Variants in ZFHX3 observed in about 807,000 individuals in gnomAD.
ZFHX3 encodes the protein zinc finger homeobox 3.
ZFHX3 carries 42 observed loss-of-function variants against 279.1 expected under a neutral mutation model. That is an observed-to-expected ratio of 0.15 (90% confidence interval 0.12 to 0.19). The LOEUF (loss-of-function observed/expected upper bound fraction) is 0.19, where lower values mean the gene tolerates loss of function less well. Among genes scored for constraint, ZFHX3 ranks in the 10% least tolerant of loss-of-function variants. ZFHX3 has a pLI of 1.00. For synonymous variants in ZFHX3, 2,293 were observed against 1,957.8 expected (o/e 1.17, Z -4.52); for missense variants, 4,981 against 4,754.0 (o/e 1.05, Z -1.40).
intron 1 of ZFHX3, among the ~76,000 whole-genome samples, chr16:73,847,117 C>T (rs897341273): frequency 2.0e-5 from 3 of 151,978 alleles, no homozygotes; most frequent in Non-Finnish European, 4.4e-5. Context: ...GCCTGACCAA[C>T]ATGGTGAAAC....
intron 2 of ZFHX3, among the ~76,000 whole-genome samples, chr16:73,514,243 G>A (rs748254864): frequency 7.3e-5 from 11 of 151,320 alleles, no homozygotes; most frequent in East Asian, 1.9e-4. Flanking sequence ...GCAAGACTCC[G>A]TCTCAAAAAA....
intron 1 of ZFHX3, among the ~76,000 whole-genome samples, chr16:73,043,278 T>A (rs531987740): frequency 6.6e-6 from 1 of 152,298 alleles, no homozygotes; most frequent in African/African-American, 2.4e-5. Context: ...ATGTTGAGAC[T>A]GCTGTGGTGA....
Position 72,795,428 on chromosome 16 carries a change from G to C in ZFHX3, c.7254C>G (p.Thr2418=), listed in dbSNP as rs746447934. ...QLTAEAEELA[T]FNSKTEAGDE... ...CGCCTGCCTCTGTTTTTGAATTGAA[G>C]GTGGCCAGTTCCTCAGCCTCCGCTG... The change falls in exon 9 of 10, where the codon ACC becomes ACG. Residue 2418 remains threonine, a synonymous_variant. Coordinates refer to ENST00000268489, the MANE Select transcript of ZFHX3 (RefSeq NM_006885.4). 6.2e-7 allele frequency: 1 copy of C among 1,614,152 alleles called. No individual in the cohort carries two copies. The highest frequency in any genetic ancestry group is 8.5e-7 in the Non-Finnish European group (1 of 1,180,034).
chr16:73,476,808 T>C (rs2018773978), intron 2 of ZFHX3, among the ~76,000 whole-genome samples: 1 of 152,228 alleles, frequency 6.6e-6, no homozygotes, highest in African/African-American at 2.4e-5. Flanking sequence ...AATGGAGTAT[T>C]ACTAGTATTA....
chr16:72,809,852 T>C (rs911383680), intron 7 of ZFHX3: 3 of 151,408 alleles, frequency 2.0e-5, no homozygotes, highest in African/African-American at 7.3e-5. Context: ...TTCTCTTTGG[T>C]GGTTTTTCCT....
At chr16:73,272,396 G>A (rs1463144303) in intron 4 of ZFHX3, among the ~76,000 whole-genome samples, 1 of 152,118 alleles carries the variant, frequency 6.6e-6, no homozygotes, top group East Asian at 1.9e-4. Context: ...ATAAAATGAT[G>A]CTCAATCTGT....
chr16:72,786,135 A>G lies in ZFHX3; in HGVS notation c.*1029T>C, dbSNP rs1396749038. ...TTAAGGGACAAGGGGAGAAAAGCTTAGGCGAATCAACGGATTGCAATCTAT... is the reference window on the plus strand; with the variant it reads ...TTAAGGGACAAGGGGAGAAAAGCTTGGGCGAATCAACGGATTGCAATCTAT... On this transcript the variant is annotated 3_prime_UTR_variant, in exon 10 of 10. Transcript: ENST00000268489. 1 of 152,330 alleles carries G rather than the reference A, an allele frequency of 6.6e-6. No individual in the cohort carries two copies. The highest frequency in any genetic ancestry group is 2.4e-5 in the African/African-American group (1 of 41,468). The allele number at this position is 152,330 out of a possible 1,614,324, so 9.4% of individuals were successfully genotyped here. A position where few individuals can be genotyped will look rare whatever the true frequency, so the allele number is the denominator to read the frequency against.
At chr16:73,496,321 A>G (rs2019141484) in intron 2 of ZFHX3, among the ~76,000 whole-genome samples, 1 of 152,242 alleles carries the variant, frequency 6.6e-6, no homozygotes, top group South Asian at 2.1e-4. Context: ...ACTTGAGGTC[A>G]GGAGTTTGAG....
intron 2 of ZFHX3, chr16:73,610,082 A>G (rs2052229750): frequency 6.6e-6 from 1 of 152,198 alleles, no homozygotes; most frequent in African/African-American, 2.4e-5. Flanking sequence ...CAGACCGGAA[A>G]ATATTTCGTC....
intron 1 of ZFHX3, among the ~76,000 whole-genome samples, chr16:73,741,456 G>A (rs1317676100): frequency 6.6e-6 from 1 of 152,150 alleles, no homozygotes; most frequent in African/African-American, 2.4e-5. Flanking sequence ...AGTCTCCATA[G>A]TTTCCTCCCT....
chr16:72,943,778 G>A (rs1020786743), intron 3 of ZFHX3, among the ~76,000 whole-genome samples: 13 of 152,112 alleles, frequency 8.5e-5, no homozygotes, highest in Admixed American at 8.5e-4. Context: ...TAGGTCCTGG[G>A]ACCCAACAAC....
chr16:72,997,485 A>G (rs576228095), intron 1 of ZFHX3, among the ~76,000 whole-genome samples: 58 of 152,292 alleles, frequency 3.8e-4, no homozygotes, highest in Non-Finnish European at 8.1e-4. Context: ...GCAGCGACTC[A>G]GTCTTCTCGC....
At chr16:73,489,453 G>A (rs2161683) in intron 2 of ZFHX3, among the ~76,000 whole-genome samples, 9,546 of 152,222 alleles carry the variant, frequency 0.063, 643 homozygotes, top group Admixed American at 0.22. Context: ...ACTGAATCCA[G>A]CATAATTCAT....
intron 1 of ZFHX3, among the ~76,000 whole-genome samples, chr16:73,861,558 T>G (rs1961881538): frequency 6.6e-6 from 1 of 152,152 alleles, no homozygotes. Flanking sequence ...TTGGCTCTGT[T>G]CACAATTATG....
At chr16:72,920,441 G>C (rs549444500) in intron 3 of ZFHX3, among the ~76,000 whole-genome samples, 3 of 152,012 alleles carry the variant, frequency 2.0e-5, no homozygotes, top group African/African-American at 7.2e-5. Flanking sequence ...AGCACTTTGG[G>C]AGGCCAAGGC....
intron 7 of ZFHX3, among the ~76,000 whole-genome samples, chr16:73,110,452 T>G (rs7185870): frequency 2.0e-5 from 3 of 151,738 alleles, no homozygotes; most frequent in South Asian, 2.1e-4. Flanking sequence ...CTGACATGAC[T>G]TTGTATTTAT....
chr16:73,219,535 C>A (rs1036983724), intron 5 of ZFHX3, among the ~76,000 whole-genome samples: 1 of 152,226 alleles, frequency 6.6e-6, no homozygotes, highest in African/African-American at 2.4e-5. Context: ...GAGGCATGCC[C>A]AGTTGACAGT....
intron 2 of ZFHX3, among the ~76,000 whole-genome samples, chr16:73,482,528 C>T (rs1474086407): frequency 6.6e-6 from 1 of 152,162 alleles, no homozygotes; most frequent in African/African-American, 2.4e-5. Context: ...TGCATTTGGC[C>T]AGAGGTCTCG....
chr16:73,253,726 A>G (rs1412541046), intron 5 of ZFHX3, among the ~76,000 whole-genome samples: 1 of 151,980 alleles, frequency 6.6e-6, no homozygotes, highest in Non-Finnish European at 1.5e-5. Flanking sequence ...AAGTGCTGGG[A>G]TTACAGGCAT....
Sources: allele counts gnomAD v4.1 joint callset (sites outside exome capture counted in the v4.1 genomes callset), GRCh38; gene constraint gnomAD v4.1.1; transcripts MANE v1.5; gene names NCBI Gene and HGNC (gene_info 2026-07-23, HGNC 2026-07-21).